Variants in WDR41 observed in about 807,000 individuals in gnomAD.
The protein encoded by WDR41 is WD repeat domain 41, also known as WD repeat-containing protein 41.
WDR41 carries 63 observed loss-of-function variants against 69.3 expected under a neutral mutation model. That is an observed-to-expected ratio of 0.91 (90% confidence interval 0.74 to 1.12). WDR41 has a LOEUF of 1.12. Among genes scored for constraint, WDR41 ranks in the 50% most tolerant of loss-of-function variants. The pLI is 0.00. For missense variants in WDR41, 543 were observed against 534.5 expected, an observed-to-expected ratio of 1.02 and a Z score of -0.16; for synonymous variants, 185 against 192.1, an observed-to-expected ratio of 0.96 and a Z score of 0.31.
intron 1 of WDR41, among the ~76,000 whole-genome samples, chr5:77,534,791 T>A (rs1742934495): frequency 6.6e-6 from 1 of 152,162 alleles, no homozygotes; most frequent in Non-Finnish European, 1.5e-5. Flanking sequence ...AAAGGCATAG[T>A]CTGGGAGCTG....
At chr5:77,486,978 A>G (rs527777878) in intron 2 of WDR41, among the ~76,000 whole-genome samples, 1 of 152,328 alleles carries the variant, frequency 6.6e-6, no homozygotes, top group East Asian at 1.9e-4. Context: ...AGTATATGTG[A>G]GCACCACTGT....
chr5:77,519,842 C>T (rs1802347027), intron 1 of WDR41, among the ~76,000 whole-genome samples: 1 of 150,828 alleles, frequency 6.6e-6, no homozygotes, highest in Non-Finnish European at 1.5e-5. Flanking sequence ...TTCAAAGCTC[C>T]AGAAGGTTAA....
chr5:77,491,347 G>C lies in WDR41; in HGVS notation c.51+823C>G, dbSNP rs566606031. The C allele has an allele frequency of 9.6e-5, 16 of 166,956 alleles. No individual in the cohort carries two copies. In the South Asian group the frequency reaches 1.7e-3, roughly 18 times the overall value. 10.3% of individuals were successfully genotyped at this position (166,956 alleles called of 1,614,324 possible). ...AACGGCCCCACCCCTATCTCCCTTC[G>C]CTGACTCTCTTTTCGGACTCAGCCC... On this transcript the variant is annotated intron_variant, in intron 1 of 12. Transcript: ENST00000296679.
At chr5:77,612,746 C>G (rs766801552) in intron 1 of WDR41, among the ~76,000 whole-genome samples, 28 of 150,606 alleles carry the variant, frequency 1.9e-4, no homozygotes, top group Non-Finnish European at 3.9e-4. Flanking sequence ...GACAGGGATG[C>G]CCTCTCTCAC....
chr5:77,492,323 C>T, upstream of WDR41: 1 of 1,464,840 alleles, frequency 6.8e-7, no homozygotes, highest in Non-Finnish European at 9.3e-7. Flanking sequence ...AACTGAGACG[C>T]TAATACTTCC....
At position 77,435,081 on chromosome 5, in the gene WDR41, C is replaced by T. The variant is rs188399277; in HGVS notation, c.1227+1180G>A. Among the ~76,000 whole-genome samples, 844 of 152,224 alleles carry T rather than the reference C, an allele frequency of 5.5e-3. 14 individuals carry two copies. The highest frequency in any genetic ancestry group is 0.022 in the Admixed American group (331 of 15,292). On this transcript the variant is annotated intron_variant, in intron 12 of 12. Coordinates refer to ENST00000296679, the MANE Select transcript of WDR41 (RefSeq NM_018268.4). The stretch of plus-strand genomic sequence containing the variant: ...CCGGCCTAGCCAAGGTGCTCCTTGC[C>T]ACCACGTAAATGCTATCTTTGCCCT...
chr5:77,493,445 T>C (rs1801886898), upstream of WDR41, among the ~76,000 whole-genome samples: 1 of 152,074 alleles, frequency 6.6e-6, no homozygotes, highest in Non-Finnish European at 1.5e-5. Context: ...AGGCATAATG[T>C]CCCAGTCACC....
chr5:77,481,839 G>A (rs1450998367), intron 2 of WDR41, among the ~76,000 whole-genome samples: 1 of 149,686 alleles, frequency 6.7e-6, no homozygotes, highest in Admixed American at 6.6e-5. Flanking sequence ...GTTTTGTATC[G>A]GTTATTACTT....
chr5:77,553,101 A>G (rs964062552), intron 1 of WDR41, among the ~76,000 whole-genome samples: 2 of 152,238 alleles, frequency 1.3e-5, no homozygotes, highest in African/African-American at 4.8e-5. Context: ...GATGAAAAGG[A>G]AAACTACACA....
chr5:77,460,881 G>C (rs1476144448), intron 4 of WDR41, among the ~76,000 whole-genome samples: 1 of 152,082 alleles, frequency 6.6e-6, no homozygotes, highest in African/African-American at 2.4e-5. Context: ...TTTCAGATTA[G>C]GGATGCTCAA....
At chr5:77,479,723 G>C (rs562850119) in intron 2 of WDR41, among the ~76,000 whole-genome samples, 1 of 152,262 alleles carries the variant, frequency 6.6e-6, no homozygotes, top group African/African-American at 2.4e-5. Flanking sequence ...AAAAACCCTA[G>C]AAGAAAACCT....
intron 11 of WDR41, 71 bp downstream of exon 11, chr5:77,437,265 T>G: frequency 8.0e-7 from 1 of 1,248,294 alleles, no homozygotes. Context: ...TTCACATAAT[T>G]GTCCTTCTCC....
chr5:77,491,982 G>T, intron 1 of WDR41, 188 bp downstream of exon 1: 1 of 678,722 alleles, frequency 1.5e-6, no homozygotes, highest in Non-Finnish European at 2.4e-6. Flanking sequence ...GGTCCCGCCG[G>T]GTCTGAGGAG....
At chr5:77,581,534 C>T (rs928704658) in intron 1 of WDR41, among the ~76,000 whole-genome samples, 1 of 152,132 alleles carries the variant, frequency 6.6e-6, no homozygotes, top group African/African-American at 2.4e-5. Flanking sequence ...AACACTTCAC[C>T]CAACAATAAC....
chr5:77,464,747 T>C lies in WDR41; in HGVS notation c.216+14A>G. The C allele has an allele frequency of 6.2e-7, 1 of 1,613,112 alleles. No individual in the cohort carries two copies. On this transcript the variant is annotated intron_variant, in intron 3 of 12. Transcript: ENST00000296679. ...ATATCTTTATCACACAATCCACACA[T>C]AATCAATACACACCTGGGCATTCCA...
chr5:77,541,734 C>G (rs924873756), intron 1 of WDR41, among the ~76,000 whole-genome samples: 1 of 144,958 alleles, frequency 6.9e-6, no homozygotes, highest in Non-Finnish European at 1.5e-5. Flanking sequence ...CTCAGGTGAT[C>G]CCCCTGCCTT....
intron 2 of WDR41, among the ~76,000 whole-genome samples, chr5:77,472,228 T>A (rs1433870551): frequency 6.6e-6 from 1 of 152,180 alleles, no homozygotes; most frequent in African/African-American, 2.4e-5. Context: ...CAACAACTCT[T>A]CATGCTAAAA....
intron 1 of WDR41, among the ~76,000 whole-genome samples, chr5:77,523,958 A>G (rs866795061): frequency 6.6e-6 from 1 of 152,232 alleles, no homozygotes; most frequent in African/African-American, 2.4e-5. Flanking sequence ...TAGGGAATTG[A>G]CAAATGTTTC....
chr5:77,527,840 T>C (rs1379171969), intron 1 of WDR41, among the ~76,000 whole-genome samples: 1 of 151,656 alleles, frequency 6.6e-6, no homozygotes, highest in Non-Finnish European at 1.5e-5. Context: ...CTAAATGATA[T>C]AACAGCCAAA....
Sources: allele counts gnomAD v4.1 joint callset (sites outside exome capture counted in the v4.1 genomes callset), GRCh38; gene constraint gnomAD v4.1.1; transcripts MANE v1.5; gene names NCBI Gene and HGNC (gene_info 2026-07-23, HGNC 2026-07-21).